The following ZFHX3 variants were observed in gnomAD, a reference collection of about 807,000 sequenced individuals.
ZFHX3 encodes the protein zinc finger homeobox 3.
A neutral mutation model predicts 279.1 loss-of-function variants in ZFHX3; 42 were observed. The observed-to-expected ratio is 0.15, with a 90% confidence interval of 0.12 to 0.19. The LOEUF (loss-of-function observed/expected upper bound fraction) is 0.19, where lower values mean the gene tolerates loss of function less well. ZFHX3 is among the 10% of genes least tolerant of loss of function. ZFHX3 has a pLI of 1.00. For missense variants in ZFHX3, 4,981 were observed against 4,754.0 expected, an observed-to-expected ratio of 1.05 and a Z score of -1.40; for synonymous variants, 2,293 against 1,957.8, an observed-to-expected ratio of 1.17 and a Z score of -4.52.
intron 2 of ZFHX3, among the ~76,000 whole-genome samples, chr16:73,482,706 G>A (rs758732667): frequency 6.6e-6 from 1 of 152,192 alleles, no homozygotes; most frequent in African/African-American, 2.4e-5. Flanking sequence ...CTGCAATGAG[G>A]TGATTAAAAG....
At chr16:73,490,392 G>C (rs1441727214) in intron 2 of ZFHX3, among the ~76,000 whole-genome samples, 1 of 152,144 alleles carries the variant, frequency 6.6e-6, no homozygotes, top group Non-Finnish European at 1.5e-5. Context: ...TTCTCTCATT[G>C]TTCATGCTAC....
At chr16:73,363,091 G>A (rs1416157182) in intron 3 of ZFHX3, among the ~76,000 whole-genome samples, 1 of 152,174 alleles carries the variant, frequency 6.6e-6, no homozygotes, top group Admixed American at 6.5e-5. Flanking sequence ...GACATTGTGT[G>A]AGTCCTGGTG....
chr16:73,583,989 A>C (rs571672852), intron 2 of ZFHX3, among the ~76,000 whole-genome samples: 5 of 152,352 alleles, frequency 3.3e-5, no homozygotes, highest in Admixed American at 3.3e-4. Context: ...ACATTTACAA[A>C]TTTTTAAAAA....
intron 3 of ZFHX3, among the ~76,000 whole-genome samples, chr16:73,395,081 G>C (rs1222419219): frequency 6.6e-6 from 1 of 152,162 alleles, no homozygotes; most frequent in Non-Finnish European, 1.5e-5. Context: ...CTGGGGCTAG[G>C]AGTGCATCTG....
rs529999643 is a variant in ZFHX3 at position 73,549,773 on chromosome 16, T to C, written c.-1546-93515A>G. On this transcript the variant is annotated intron_variant, in intron 2 of 17. Coordinates refer to the ZFHX3 transcript ENST00000641206. ...GGCCAGCTTAAATCTGAGCAGAAAATATTCACCACAACTCCTGGCTTTTTT... is the reference window on the plus strand; with the variant it reads ...GGCCAGCTTAAATCTGAGCAGAAAACATTCACCACAACTCCTGGCTTTTTT... 3.3e-5 allele frequency among the ~76,000 whole-genome samples: 5 copies of C among 152,222 alleles called. No homozygotes were observed. In the East Asian group the frequency reaches 9.7e-4, roughly 29 times the overall value.
At chr16:73,198,207 G>C (rs12448848) in intron 5 of ZFHX3, among the ~76,000 whole-genome samples, 1 of 151,992 alleles carries the variant, frequency 6.6e-6, no homozygotes, top group Non-Finnish European at 1.5e-5. Flanking sequence ...AAAGTGTTAA[G>C]ATTACAGGTG....
At chr16:73,083,698 T>C (rs1965976497) in intron 8 of ZFHX3, among the ~76,000 whole-genome samples, 1 of 152,164 alleles carries the variant, frequency 6.6e-6, no homozygotes, top group Non-Finnish European at 1.5e-5. Context: ...CCTGGTTAAC[T>C]GTTGTGTTTT....
At chr16:73,366,416 G>A (rs990336810) in intron 3 of ZFHX3, among the ~76,000 whole-genome samples, 1 of 151,810 alleles carries the variant, frequency 6.6e-6, no homozygotes, top group African/African-American at 2.4e-5. Context: ...TTCCTAAGTG[G>A]AAAAAAACAA....
At chr16:73,666,081 G>T (rs987909128) in intron 2 of ZFHX3, among the ~76,000 whole-genome samples, 3 of 151,856 alleles carry the variant, frequency 2.0e-5, no homozygotes, top group Admixed American at 1.3e-4. Context: ...CTCCCAAAGT[G>T]CTGGGGTTAC....
chr16:73,266,325 G>C (rs1431537851), intron 4 of ZFHX3, among the ~76,000 whole-genome samples: 23 of 152,144 alleles, frequency 1.5e-4, no homozygotes, highest in Admixed American at 1.5e-3. Context: ...ATTAGTATTA[G>C]TTAATATTTA....
intron 2 of ZFHX3, among the ~76,000 whole-genome samples, chr16:73,588,409 G>A (rs557336921): frequency 4.0e-5 from 6 of 151,836 alleles, no homozygotes; most frequent in East Asian, 2.0e-4. Flanking sequence ...AGAGGAGGCC[G>A]GTCGCGGTGG....
chr16:72,929,814 GA>G (rs1057092830), intron 3 of ZFHX3, among the ~76,000 whole-genome samples: 5 of 152,248 alleles, frequency 3.3e-5, no homozygotes, highest in African/African-American at 9.6e-5. Context: ...TCAGCTGTGG[GA>G]AAGGAGACCG....
chr16:73,872,246 T>A (rs959902820), intron 1 of ZFHX3, among the ~76,000 whole-genome samples: 1 of 139,440 alleles, frequency 7.2e-6, no homozygotes, highest in African/African-American at 2.9e-5. Flanking sequence ...GACATCCCTG[T>A]TTTTTTTTTT....
rs533994637 is a variant in ZFHX3, at chr16:73,705,590, G to A, written c.-1607-25350C>T. Among the ~76,000 whole-genome samples, 12 of 152,110 alleles carry A rather than the reference G, an allele frequency of 7.9e-5. No homozygotes were observed. In the South Asian group the frequency reaches 1.5e-3, roughly 18 times the overall value. On this transcript the variant is annotated intron_variant, in intron 1 of 17. Transcript: ENST00000641206. ...TCTGTGGTGTTGCATCTTCTCACCT[G>A]GAGCAACTGAGTCCTTAGCTAGACA...
At chr16:73,498,530 A>T (rs2019179977) in intron 2 of ZFHX3, among the ~76,000 whole-genome samples, 2 of 152,226 alleles carry the variant, frequency 1.3e-5, no homozygotes, top group South Asian at 4.1e-4. Context: ...TTGAAGAAGG[A>T]ATTTCTTTAT....
Position 73,450,434 on chromosome 16 carries a change from T to C in ZFHX3, c.-1291+5569A>G, listed in dbSNP as rs1597340119. ...GTATTCTACCACTTTTAATTTTATG[T>C]AGCGGACATGTGTCATTTTTATAAA... On this transcript the variant is annotated intron_variant, in intron 3 of 17. Coordinates refer to the ZFHX3 transcript ENST00000641206. Among the ~76,000 whole-genome samples the C allele has an allele frequency of 2.6e-5, 4 of 152,062 alleles. No individual in the cohort carries two copies. The South Asian group carries it at 8.3e-4, about 32-fold the overall frequency.
At chr16:73,526,619 T>G (rs909194240) in intron 2 of ZFHX3, among the ~76,000 whole-genome samples, 4 of 152,184 alleles carry the variant, frequency 2.6e-5, no homozygotes, top group African/African-American at 9.7e-5. Context: ...ATTGGTTAAT[T>G]CTGAGCGGGG....
intron 3 of ZFHX3, among the ~76,000 whole-genome samples, chr16:73,329,646 C>G (rs1018860077): frequency 2.6e-5 from 4 of 152,194 alleles, no homozygotes; most frequent in African/African-American, 9.7e-5. Context: ...ATTAAAAACC[C>G]TACAGATAGT....
chr16:73,451,674 G>A (rs575715040), intron 3 of ZFHX3, among the ~76,000 whole-genome samples: 1 of 152,204 alleles, frequency 6.6e-6, no homozygotes, highest in Non-Finnish European at 1.5e-5. Context: ...TACTCTCTGA[G>A]TAAGATTTTT....
Sources: allele counts gnomAD v4.1 joint callset (sites outside exome capture counted in the v4.1 genomes callset), GRCh38; gene constraint gnomAD v4.1.1; transcripts MANE v1.5; gene names NCBI Gene and HGNC (gene_info 2026-07-23, HGNC 2026-07-21).